F13B: variants seen among roughly 807,000 people sequenced by gnomAD.
The protein encoded by F13B is coagulation factor XIII B chain, also known as TGase.
F13B carries 58 observed loss-of-function variants against 79.8 expected under a neutral mutation model. That is an observed-to-expected ratio of 0.73 (90% CI 0.59 to 0.90). The LOEUF is 0.90. Ranked by LOEUF, F13B falls within the 40% of genes least tolerant of loss-of-function variation. The pLI is 0.00. For synonymous variants in F13B, 283 were observed against 260.3 expected, an observed-to-expected ratio of 1.09 and a Z score of -0.84; for missense variants, 773 against 777.0, an observed-to-expected ratio of 0.99 and a Z score of 0.06.
chr1:197,059,199 C>G (rs946118138), intron 5 of F13B, among the ~76,000 whole-genome samples: 15 of 152,144 alleles, frequency 9.9e-5, no homozygotes, highest in East Asian at 5.8e-4. Context: ...TTAGGCGACA[C>G]AGCAGGACTC....
At chr1:197,049,234 C>A (rs1290832121) in intron 10 of F13B, among the ~76,000 whole-genome samples, 3 of 151,640 alleles carry the variant, frequency 2.0e-5, no homozygotes, top group Non-Finnish European at 4.4e-5. Flanking sequence ...AAAAGAAATC[C>A]AAGAACATAG....
At chr1:197,053,513 T>G (rs1278877835) in intron 8 of F13B, among the ~76,000 whole-genome samples, 2 of 152,110 alleles carry the variant, frequency 1.3e-5, no homozygotes, top group East Asian at 3.8e-4. Flanking sequence ...CTCCTTTGTC[T>G]TCTACCATGA....
chr1:197,060,524 A>G lies in F13B; in HGVS notation c.647T>C (p.Leu216Ser). 1 of 1,591,018 alleles carries G rather than the reference A, an allele frequency of 6.3e-7. No individual in the cohort carries two copies. ...PKCTKLKCSS[L>S]RLIENGYFHP... is the part of the protein sequence containing the mutation. The stretch of plus-strand genomic sequence containing the variant: ...AAAATAACCATTTTCAATTAATCTT[A>G]AAGAAGAGCACTTTAATTCTGCAAA... Residue 216 changes from leucine to serine, a missense_variant, in exon 5 of 12, where the codon TTA (leucine) becomes TCA (serine). Physicochemically the swap from Leu to Ser is moderately radical, Grantham distance 145. Transcript: ENST00000367412.
intron 5 of F13B, 124 bp downstream of exon 5, chr1:197,060,242 A>G (rs1655801391): frequency 1.6e-6 from 1 of 631,386 alleles, no homozygotes; most frequent in Admixed American, 2.9e-5. Flanking sequence ...AAAAGATAAT[A>G]TTTATTTTAA....
Position 197,055,736 on chromosome 1 carries a change from A to C in F13B, c.1333T>G (p.Ser445Ala), listed in dbSNP as rs1655617150. 5.6e-6 allele frequency: 9 copies of C among 1,613,484 alleles called. No homozygotes were observed. Among genetic ancestry groups the C allele is most frequent in the Non-Finnish European group, 6.8e-6 (8 of 1,179,642 alleles). The change falls in exon 8 of 12, where the codon TCA (serine) becomes GCA (alanine). Residue 445 changes from serine to alanine, a missense_variant. Transcript: ENST00000367412. ...KISRCEQGKW[S>A]SPPVCLEPCT... Reference sequence around the variant, plus strand: ...TTACCCAAGCAAACAGGTGGGGATGACCATTTTCCTTGTTCGCAACGAGAT... The same window carrying C: ...TTACCCAAGCAAACAGGTGGGGATGCCCATTTTCCTTGTTCGCAACGAGAT...
chr1:197,062,482 G>A lies in F13B; in HGVS notation c.265+375C>T, dbSNP rs984378682. On this transcript the variant is annotated intron_variant, in intron 2 of 11. Coordinates refer to ENST00000367412, the MANE Select transcript of F13B (RefSeq NM_001994.3). ...GTCTTACAAATGATAAAGCATTAGA[G>A]TAGCAATCTTGCCCTTCCAGAGGCC... Among the ~76,000 whole-genome samples the A allele has an allele frequency of 3.9e-5, 6 of 152,270 alleles. No individual in the cohort carries two copies. The South Asian group carries it at 6.2e-4, about 16-fold the overall frequency.
rs17514487 is a variant in F13B, at chr1:197,066,933, C to A, written c.64+227G>T. Among the ~76,000 whole-genome samples the A allele has an allele frequency of 6.3e-3, 964 of 152,062 alleles. 11 individuals carry two copies. The highest frequency in any genetic ancestry group is 0.022 in the African/African-American group (927 of 41,502). On this transcript the variant is annotated intron_variant, in intron 1 of 11. Transcript: ENST00000367412. ...TGGTCTCCTATGCCCCCTAGAGATA[C>A]AAGGGTTTTTGTTTTGTTTTGCTTT...
In F13B at chr1:197,055,513, G is replaced by A. The variant is rs1794003; in HGVS notation, c.1354+202C>T. The stretch of plus-strand genomic sequence containing the variant: ...GAATTGTACACTTAAAAATAGCTAC[G>A]GTGGTAAATTTTATGTTATGTATAT... On this transcript the variant is annotated intron_variant, in intron 8 of 11. Coordinates refer to ENST00000367412, the MANE Select transcript of F13B (RefSeq NM_001994.3). Among the ~76,000 whole-genome samples, 116,386 of 151,816 alleles carry A rather than the reference G, an allele frequency of 0.77. 48,691 individuals carry two copies. Among genetic ancestry groups the A allele is most frequent in the East Asian group, 0.98 (5,071 of 5,180 alleles).
rs752381652 is a variant in F13B at position 197,055,762 on chromosome 1, AT to A, written c.1306del (p.Ile436TyrfsTer26). 1 of 1,613,484 alleles carries A rather than the reference AT, an allele frequency of 6.2e-7. No homozygotes were observed. The highest frequency in any genetic ancestry group is 2.2e-5 in the East Asian group (1 of 44,860). On this transcript the variant is annotated frameshift_variant, in exon 8 of 12. Coordinates refer to ENST00000367412, the MANE Select transcript of F13B (RefSeq NM_001994.3). LOFTEE classifies it high-confidence loss of function. ...CCATTTTCCTTGTTCGCAACGAGAT[AT>A]TTTTGATCCCCTCAGTAAGTAATAT... is the stretch of plus-strand genomic sequence containing the variant. ...NEYYLLRGSK[I>X]SRCEQGKWSS...
intron 8 of F13B, among the ~76,000 whole-genome samples, chr1:197,054,033 T>A (rs1655549590): frequency 6.6e-6 from 1 of 152,100 alleles, no homozygotes; most frequent in Non-Finnish European, 1.5e-5. Context: ...CTATGCTTTA[T>A]CATACTGTTG....
chr1:197,052,604 A>G, intron 9 of F13B, 30 bp downstream of exon 9: 1 of 1,489,856 alleles, frequency 6.7e-7, no homozygotes, highest in Non-Finnish European at 9.3e-7. Context: ...GGTCAAGTAA[A>G]GATACTTGCA....
Position 197,039,374 on chromosome 1 carries a change from A to G in F13B, c.*4T>C. 6.2e-7 allele frequency: 1 copy of G among 1,608,580 alleles called. No homozygotes were observed. Among genetic ancestry groups the G allele is most frequent in the East Asian group, 2.2e-5 (1 of 44,632 alleles). ...AATATGACTCCTCTTTCTGCCATTC[A>G]TTTCTATGTTCTTAAGGGTTCTTGA... On this transcript the variant is annotated 3_prime_UTR_variant, in exon 12 of 12. Transcript: ENST00000367412.
At chr1:197,051,464 G>A (rs1655435889) in intron 9 of F13B, among the ~76,000 whole-genome samples, 1 of 151,986 alleles carries the variant, frequency 6.6e-6, no homozygotes, top group Admixed American at 6.6e-5. Context: ...AGTCCCTATA[G>A]CCAGTGAGTA....
At chr1:197,049,801 CAT>C (rs1338809199) in intron 10 of F13B, among the ~76,000 whole-genome samples, 1 of 151,970 alleles carries the variant, frequency 6.6e-6, no homozygotes, top group Non-Finnish European at 1.5e-5. Context: ...AAAAATATAA[CAT>C]ATAATATGCA....
intron 5 of F13B, among the ~76,000 whole-genome samples, chr1:197,059,171 G>A (rs1034704582): frequency 3.3e-5 from 5 of 152,062 alleles, no homozygotes; most frequent in African/African-American, 1.2e-4. Context: ...AGCTGAGATC[G>A]TGCCACTGCA....
intron 7 of F13B, among the ~76,000 whole-genome samples, chr1:197,056,483 T>C (rs1655645060): frequency 6.6e-6 from 1 of 151,880 alleles, no homozygotes; most frequent in South Asian, 2.1e-4. Context: ...TAGTGTAGCC[T>C]GGTGGTGCCT....
chr1:197,055,889 CATT>C lies in F13B; in HGVS notation c.1177_1179del (p.Asn393del), dbSNP rs1441162858. The C allele has an allele frequency of 2.5e-6, 4 of 1,613,172 alleles. No individual in the cohort carries two copies. The Admixed American group carries it at 5.0e-5, about 20-fold the overall frequency. On this transcript the variant is annotated inframe_deletion, in exon 8 of 12. Transcript: ENST00000367412. Reference sequence around the variant, plus strand: ...ACAACAGGAGGATGCTTACAATTCTCATTATTTTCTAAGAAAAGAGGTTGTTTT... The same window carrying C: ...ACAACAGGAGGATGCTTACAATTCTCATTTTCTAAGAAAAGAGGTTGTTTT...
intron 5 of F13B, 36 bp downstream of exon 5, chr1:197,060,330 C>A (rs749600971): frequency 6.5e-7 from 1 of 1,527,858 alleles, no homozygotes; most frequent in East Asian, 2.3e-5. Context: ...CTGATAAAGA[C>A]ATGGCATTTT....
Position 197,060,431 on chromosome 1 carries a change from A to G in F13B, c.740T>C (p.Leu247Pro). The G allele has an allele frequency of 6.2e-7, 1 of 1,611,864 alleles. No homozygotes were observed. Among genetic ancestry groups the G allele is most frequent in the Non-Finnish European group, 8.5e-7 (1 of 1,178,476 alleles). Residue 247 changes from leucine (L) to proline (P), a missense_variant, in exon 5 of 12, where the codon CTA becomes CCA. By Grantham distance (98) the Leu-to-Pro change is moderately conservative (BLOSUM62 -3). Coordinates refer to ENST00000367412, the MANE Select transcript of F13B (RefSeq NM_001994.3). ...GCATTGAATTAAATCAGATCCACTTAGATAATAATTTTCATGACAGAAAAA... is the reference window on the plus strand; with the variant it reads ...GCATTGAATTAAATCAGATCCACTTGGATAATAATTTTCATGACAGAAAAA... ...VQFFCHENYY[L>P]SGSDLIQCYN...
Sources: gnomAD v4.1 joint callset for allele counts (sites outside exome capture counted in the v4.1 genomes callset) on GRCh38, gnomAD v4.1.1 for gene constraint, MANE v1.5 for transcripts, NCBI Gene and HGNC (gene_info 2026-07-23, HGNC 2026-07-21) for gene names.